The following DPYD variants were observed in gnomAD, a reference collection of about 807,000 sequenced individuals.
The protein encoded by DPYD is dihydropyrimidine dehydrogenase.
DPYD carries 109 observed loss-of-function variants against 116.2 expected under a neutral mutation model. The observed-to-expected ratio is 0.94, with a 90% confidence interval of 0.80 to 1.10. The LOEUF (loss-of-function observed/expected upper bound fraction) is 1.10, where lower values mean the gene tolerates loss of function less well. DPYD is among the 50% of genes least tolerant of loss of function. The pLI, the probability that DPYD is intolerant of heterozygous loss-of-function variation, is 0.00. For synonymous variants in DPYD, 440 were observed against 432.0 expected (o/e 1.02, Z -0.23); for missense variants, 1,302 against 1,254.5 (o/e 1.04, Z -0.57).
Position 97,553,871 on chromosome 1 carries a change from T to C in DPYD, c.1340-4127A>G, listed in dbSNP as rs577110361. Among the ~76,000 whole-genome samples, 4 of 152,246 alleles carry C rather than the reference T, an allele frequency of 2.6e-5. No individual in the cohort carries two copies. The East Asian group carries it at 7.7e-4, about 29-fold the overall frequency. On this transcript the variant is annotated intron_variant, in intron 11 of 22. Coordinates refer to ENST00000370192, the MANE Select transcript of DPYD (RefSeq NM_000110.4). ...GCAATTGGAAGAGAAATTTGTTAAATGATATGGTGCCTGGAATTTTATGCA... is the reference window on the plus strand; with the variant it reads ...GCAATTGGAAGAGAAATTTGTTAAACGATATGGTGCCTGGAATTTTATGCA...
chr1:97,161,315 A>G (rs1208381823), intron 20 of DPYD, among the ~76,000 whole-genome samples: 4 of 152,140 alleles, frequency 2.6e-5, no homozygotes, highest in Non-Finnish European at 5.9e-5. Context: ...TGTCACAGAA[A>G]ACAGCCTGGA....
rs375385041 is a variant in DPYD, at chr1:97,731,207, T to C, written c.321+9185A>G. On this transcript the variant is annotated intron_variant, in intron 4 of 22. Transcript: ENST00000370192. Reference sequence around the variant, plus strand: ...CTATTTTGTGCGAGTTTGCTCTTTATTGACGAGAATATGAGCAATTCCTTA... The same window carrying C: ...CTATTTTGTGCGAGTTTGCTCTTTACTGACGAGAATATGAGCAATTCCTTA... Among the ~76,000 whole-genome samples, 5 of 152,196 alleles carry C rather than the reference T, an allele frequency of 3.3e-5. No individual in the cohort carries two copies. In the East Asian group the frequency reaches 9.7e-4, roughly 29 times the overall value.
chr1:97,572,997 A>G (rs768470247), intron 11 of DPYD, among the ~76,000 whole-genome samples: 1 of 152,038 alleles, frequency 6.6e-6, no homozygotes, highest in Non-Finnish European at 1.5e-5. Flanking sequence ...CTAGAAAAAC[A>G]TATTTTATTT....
chr1:97,453,677 C>T (rs551334260), intron 13 of DPYD, among the ~76,000 whole-genome samples: 20 of 152,164 alleles, frequency 1.3e-4, no homozygotes, highest in African/African-American at 4.6e-4. Flanking sequence ...ATCAGTAATA[C>T]CTCAAAGCCT....
chr1:97,485,990 A>G (rs1678611577), intron 13 of DPYD, among the ~76,000 whole-genome samples: 1 of 152,220 alleles, frequency 6.6e-6, no homozygotes, highest in African/African-American at 2.4e-5. Flanking sequence ...GATTGGGAGA[A>G]TAAGTATGAA....
chr1:97,564,177 A>C (rs944044855), intron 11 of DPYD, among the ~76,000 whole-genome samples: 1 of 152,176 alleles, frequency 6.6e-6, no homozygotes, highest in Admixed American at 6.5e-5. Context: ...TTAAAACAAC[A>C]TGGCAGCACA....
chr1:97,323,392 GTATACATATGTGTATATGTACACGTATA>G (rs779727879), intron 16 of DPYD, among the ~76,000 whole-genome samples: 21,051 of 80,070 alleles, frequency 0.26, 2,348 homozygotes, highest in Non-Finnish European at 0.34. Context: ...GTACACGTAT[GTATACATATGTGTATATGTACACGTATA>G]TATACATATG....
chr1:97,450,173 G>A lies in DPYD; in HGVS notation c.1791C>T (p.Gly597=), dbSNP rs1427507724. 6.2e-7 allele frequency: 1 copy of A among 1,613,882 alleles called. No individual in the cohort carries two copies. Among genetic ancestry groups the A allele is most frequent in the Non-Finnish European group, 8.5e-7 (1 of 1,179,846 alleles). The change falls in exon 14 of 23, where the codon GGC becomes GGT. Residue 597 remains glycine, a synonymous_variant. Coordinates refer to ENST00000370192, the MANE Select transcript of DPYD (RefSeq NM_000110.4). Reference sequence around the variant, plus strand: ...AGCTTTGTCCAGGGCCATACATGGGGCCAGAGGTGGTTCCCCGGATGATTC... The same window carrying A: ...AGCTTTGTCCAGGGCCATACATGGGACCAGAGGTGGTTCCCCGGATGATTC... ...SPRIIRGTTS[G]PMYGPGQSSF...
chr1:97,693,460 G>A (rs1349532838), intron 6 of DPYD, among the ~76,000 whole-genome samples: 1 of 152,074 alleles, frequency 6.6e-6, no homozygotes, highest in Admixed American at 6.5e-5. Flanking sequence ...AAGCCAACTT[G>A]TGAACTCCAG....
intron 3 of DPYD, among the ~76,000 whole-genome samples, chr1:97,767,693 G>A (rs1210773265): frequency 1.3e-5 from 2 of 150,338 alleles, no homozygotes; most frequent in East Asian, 2.0e-4. Flanking sequence ...CTGACAGGAT[G>A]CATAAGTATA....
At chr1:97,606,288 A>G (rs1655590493) in intron 8 of DPYD, among the ~76,000 whole-genome samples, 1 of 152,036 alleles carries the variant, frequency 6.6e-6, no homozygotes, top group Non-Finnish European at 1.5e-5. Flanking sequence ...ACACCATATT[A>G]GGTGCTGGGA....
At chr1:97,355,891 T>C (rs1235463940) in intron 16 of DPYD, among the ~76,000 whole-genome samples, 5 of 152,202 alleles carry the variant, frequency 3.3e-5, no homozygotes, top group Non-Finnish European at 7.3e-5. Flanking sequence ...GGAACATAGA[T>C]AGGCATGCAG....
chr1:97,532,911 GTT>G lies in DPYD; in HGVS notation c.1524+16647_1524+16648del, dbSNP rs535708189. Among the ~76,000 whole-genome samples, 315 of 128,192 alleles carry G rather than the reference GTT, an allele frequency of 2.5e-3. 1 individual carries two copies. The highest frequency in any genetic ancestry group is 6.4e-3 in the African/African-American group (238 of 37,238). The allele number at this position is 128,192 out of a possible 152,430, so 84.1% of individuals were successfully genotyped here. A position where few individuals can be genotyped will look rare whatever the true frequency, so the allele number is the denominator to read the frequency against. The stretch of plus-strand genomic sequence containing the variant: ...CCTTCTGCTAACTTTGGGCTTAGTT[GTT>G]TTTTTTTTTTGTTGTTGTTGTTGTT... On this transcript the variant is annotated intron_variant, in intron 12 of 22. Coordinates refer to ENST00000370192, the MANE Select transcript of DPYD (RefSeq NM_000110.4).
chr1:97,451,379 A>G (rs973719449), intron 13 of DPYD, among the ~76,000 whole-genome samples: 5 of 152,182 alleles, frequency 3.3e-5, no homozygotes, highest in African/African-American at 1.2e-4. Context: ...TTTTCTTCAC[A>G]TTGCATGTTA....
At chr1:97,197,743 A>G (rs2101836291) in intron 19 of DPYD, among the ~76,000 whole-genome samples, 1 of 152,182 alleles carries the variant, frequency 6.6e-6, no homozygotes, top group Admixed American at 6.5e-5. Context: ...CCACTTCTAG[A>G]CTCTTTATCA....
chr1:97,498,490 CTG>C (rs10591961), intron 13 of DPYD, among the ~76,000 whole-genome samples: 42,567 of 148,262 alleles, frequency 0.29, 6,001 homozygotes, highest in East Asian at 0.49. Flanking sequence ...CTCTCTTTCT[CTG>C]TGTGTGTGTG....
At chr1:97,546,685 C>T (rs1026080690) in intron 12 of DPYD, 6 of 1,612,914 alleles carry the variant, frequency 3.7e-6, no homozygotes, top group Non-Finnish European at 5.1e-6. Flanking sequence ...CATGCCATAT[C>T]ATGTGTGTAC....
At chr1:97,571,280 A>G (rs1652877725) in intron 11 of DPYD, among the ~76,000 whole-genome samples, 1 of 152,016 alleles carries the variant, frequency 6.6e-6, no homozygotes, top group African/African-American at 2.4e-5. Flanking sequence ...AATATGCTCT[A>G]GTTTTGTTTC....
chr1:97,815,512 G>T (rs1668558405), intron 3 of DPYD, among the ~76,000 whole-genome samples: 2 of 152,142 alleles, frequency 1.3e-5, no homozygotes, highest in South Asian at 2.1e-4. Context: ...TTCAAGAAAG[G>T]ATAGTCAATT....
Sources: gnomAD v4.1 joint callset for allele counts (sites outside exome capture counted in the v4.1 genomes callset) on GRCh38, gnomAD v4.1.1 for gene constraint, MANE v1.5 for transcripts, NCBI Gene and HGNC (gene_info 2026-07-23, HGNC 2026-07-21) for gene names.